Variants in IQSEC1 observed in about 807,000 individuals in gnomAD.
IQSEC1 encodes the protein IQ motif and Sec7 domain ArfGEF 1.
Under a neutral mutation model 91.0 loss-of-function variants are expected in IQSEC1, and 31 were observed. The observed-to-expected ratio is 0.34, with a 90% CI of 0.26 to 0.46. The LOEUF (loss-of-function observed/expected upper bound fraction) is 0.46. Ranked by LOEUF, IQSEC1 falls within the 20% of genes least tolerant of loss-of-function variation. IQSEC1 has a pLI of 1.00. For synonymous variants in IQSEC1, 699 were observed against 662.6 expected (o/e 1.05, Z -0.84); for missense variants, 1,388 against 1,575.6 (o/e 0.88, Z 2.02).
intron 1 of IQSEC1, among the ~76,000 whole-genome samples, chr3:13,181,973 CAGTA>C (rs1693851604): frequency 6.6e-6 from 1 of 152,214 alleles, no homozygotes; most frequent in Non-Finnish European, 1.5e-5. Context: ...CAGTGATGGC[CAGTA>C]AGCAGTAGGT....
At chr3:12,991,648 C>G (rs1333609931) in intron 1 of IQSEC1, among the ~76,000 whole-genome samples, 1 of 152,222 alleles carries the variant, frequency 6.6e-6, no homozygotes, top group Admixed American at 6.5e-5. Context: ...TTGCACAGCC[C>G]AGTGATGGGC....
chr3:12,967,694 A>C lies in IQSEC1; in HGVS notation c.24-25829T>G, dbSNP rs867703096. On this transcript the variant is annotated intron_variant, in intron 1 of 13. Transcript: ENST00000613206. This position sits in a 1 kb window ranked among gnomAD's most constrained non-coding sequence, Gnocchi z 5.9. ...CCCTCCGCCGCCGCCCGCTTGGCGCAGCGCGAGGCCGGGCCGGAGGAATGT... is the reference window on the plus strand; with the variant it reads ...CCCTCCGCCGCCGCCCGCTTGGCGCCGCGCGAGGCCGGGCCGGAGGAATGT... 5 of 1,144,712 alleles carry C rather than the reference A, an allele frequency of 4.4e-6. No homozygotes were observed. The highest frequency in any genetic ancestry group is 3.3e-5 in the African/African-American group (2 of 61,034). The allele number at this position is 1,144,712 out of a possible 1,614,324, so 70.9% of individuals were successfully genotyped here.
intron 2 of IQSEC1, among the ~76,000 whole-genome samples, chr3:13,163,439 C>T (rs1707216089): frequency 6.6e-6 from 1 of 152,184 alleles, no homozygotes; most frequent in Non-Finnish European, 1.5e-5. Flanking sequence ...CATGCTGACC[C>T]CCATCTCCCA....
chr3:13,195,473 C>G (rs1694108847), intron 1 of IQSEC1, among the ~76,000 whole-genome samples: 1 of 152,204 alleles, frequency 6.6e-6, no homozygotes, highest in Non-Finnish European at 1.5e-5. Flanking sequence ...GACCCAGTAA[C>G]TGTACTCAAA....
At chr3:12,905,217 G>A (rs1280881253) in intron 12 of IQSEC1, among the ~76,000 whole-genome samples, 1 of 152,258 alleles carries the variant, frequency 6.6e-6, no homozygotes, top group Non-Finnish European at 1.5e-5. Context: ...GCCAGCCCTG[G>A]GCAGAGCCTG....
chr3:13,015,833 G>C (rs1319909509), intron 1 of IQSEC1: 1 of 410,196 alleles, frequency 2.4e-6, no homozygotes, highest in South Asian at 1.0e-4. Context: ...AAACCCAAAT[G>C]GCTTCACTGG....
intron 1 of IQSEC1, among the ~76,000 whole-genome samples, chr3:13,039,216 C>A (rs1173997867): frequency 6.6e-6 from 1 of 152,264 alleles, no homozygotes; most frequent in African/African-American, 2.4e-5. Context: ...CATCTCCCCA[C>A]AACCAAGGCA....
intron 2 of IQSEC1, among the ~76,000 whole-genome samples, chr3:13,091,411 TG>T: frequency 6.6e-6 from 1 of 152,364 alleles, no homozygotes; most frequent in East Asian, 1.9e-4. Context: ...TGAGGGAGTT[TG>T]TTTACAGGAC....
At chr3:12,907,614 T>C (rs955550172) in intron 12 of IQSEC1, among the ~76,000 whole-genome samples, 2 of 152,158 alleles carry the variant, frequency 1.3e-5, no homozygotes, top group Non-Finnish European at 2.9e-5. Context: ...GCCTCTTTTC[T>C]CTCCTGCCCC....
intron 1 of IQSEC1, among the ~76,000 whole-genome samples, chr3:13,006,150 C>A (rs981513305): frequency 2.0e-5 from 3 of 152,214 alleles, no homozygotes; most frequent in Non-Finnish European, 4.4e-5. Flanking sequence ...CATCCTGGTA[C>A]CCAGGCCTCT....
At chr3:13,185,652 G>A (rs1693918637) in intron 1 of IQSEC1, among the ~76,000 whole-genome samples, 2 of 152,248 alleles carry the variant, frequency 1.3e-5, no homozygotes, top group Admixed American at 6.5e-5. Flanking sequence ...GAACGTTGCT[G>A]TAGCTAGAAG....
chr3:12,967,429 G>A lies in IQSEC1; in HGVS notation c.24-25564C>T. ...CTCCAGAAGGGACTGGGTCCTCTCC[G>A]AGTTGCAGTGCAGGCACCACATGGC... On this transcript the variant is annotated intron_variant, in intron 1 of 13. Coordinates refer to ENST00000613206, the MANE Select transcript of IQSEC1 (RefSeq NM_001134382.3). This position sits in a 1 kb window ranked among gnomAD's most constrained non-coding sequence, Gnocchi z 5.9. 3.9e-6 allele frequency: 6 copies of A among 1,534,242 alleles called. No individual in the cohort carries two copies. Among genetic ancestry groups the A allele is most frequent in the Non-Finnish European group, 5.2e-6 (6 of 1,144,630 alleles).
At chr3:13,245,415 G>A (rs1048064608) in intron 1 of IQSEC1, among the ~76,000 whole-genome samples, 2 of 152,100 alleles carry the variant, frequency 1.3e-5, no homozygotes, top group Non-Finnish European at 2.9e-5. Context: ...TGGATTCAAG[G>A]GGTGGAAAAA....
intron 2 of IQSEC1, among the ~76,000 whole-genome samples, chr3:13,122,587 C>A (rs577706038): frequency 6.6e-6 from 1 of 152,258 alleles, no homozygotes; most frequent in Admixed American, 6.5e-5. Flanking sequence ...GAGGTAGGGG[C>A]AGTGTGTGGC....
At chr3:13,240,718 CAAG>C (rs1274201371) in intron 1 of IQSEC1, among the ~76,000 whole-genome samples, 1 of 152,176 alleles carries the variant, frequency 6.6e-6, no homozygotes, top group African/African-American at 2.4e-5. Flanking sequence ...ACCCAGTGCT[CAAG>C]AAATGCTCAC....
chr3:13,170,882 G>C (rs1693594235), intron 1 of IQSEC1, among the ~76,000 whole-genome samples: 1 of 152,006 alleles, frequency 6.6e-6, no homozygotes. Flanking sequence ...GGTGGATCAC[G>C]AGGTCAAGAG....
chr3:13,158,155 C>T (rs1015906438), intron 2 of IQSEC1, among the ~76,000 whole-genome samples: 2 of 152,214 alleles, frequency 1.3e-5, no homozygotes, highest in Non-Finnish European at 2.9e-5. Context: ...CAGAGGCCGC[C>T]GGCTCAGCCC....
chr3:13,160,393 T>C (rs1707155039), intron 2 of IQSEC1, among the ~76,000 whole-genome samples: 1 of 152,190 alleles, frequency 6.6e-6, no homozygotes, highest in African/African-American at 2.4e-5. Flanking sequence ...ACTCCTGGCC[T>C]CAAATGATCT....
At position 13,087,382 on chromosome 3, in the gene IQSEC1, G is replaced by C. The variant is rs147636497; in HGVS notation, c.303-39860C>G. 6.2e-3 allele frequency among the ~76,000 whole-genome samples: 944 copies of C among 152,242 alleles called. 16 individuals are homozygous for C. The highest frequency in any genetic ancestry group is 0.022 in the African/African-American group (901 of 41,530). On this transcript the variant is annotated intron_variant, in intron 2 of 15. Coordinates refer to the IQSEC1 transcript ENST00000648114. ...GCCTCTTGGTGCAGGAGAGGCTCTCGGTGCAGAAAGAGCCCCAGAGTGTGT... is the reference window on the plus strand; with the variant it reads ...GCCTCTTGGTGCAGGAGAGGCTCTCCGTGCAGAAAGAGCCCCAGAGTGTGT...
Sources: gnomAD v4.1 joint callset for allele counts (sites outside exome capture counted in the v4.1 genomes callset) on GRCh38, gnomAD v4.1.1 for gene constraint, Gnocchi (gnomAD v3.1) non-coding constraint, MANE v1.5 for transcripts, NCBI Gene and HGNC (gene_info 2026-07-23, HGNC 2026-07-21) for gene names.